NOTCH2NLC: variants seen among roughly 807,000 people sequenced by gnomAD.
The protein encoded by NOTCH2NLC is notch 2 N-terminal like C, also known as notch homolog 2 N-terminal-like protein C.
In NOTCH2NLC, 4 loss-of-function variants were observed where a neutral mutation model predicts 17.7. That is an observed-to-expected ratio of 0.23 (90% CI 0.11 to 0.52). The LOEUF (loss-of-function observed/expected upper bound fraction) is 0.52. Among genes scored for constraint, NOTCH2NLC ranks in the 20% least tolerant of loss-of-function variants. The pLI is 0.96. For synonymous variants in NOTCH2NLC, 18 were observed against 86.0 expected (o/e 0.21, Z 4.38); for missense variants, 57 against 207.2 (o/e 0.28, Z 4.45).
Position 149,468,958 on chromosome 1 carries a change from CTTTTTTTTTTTTT to C in NOTCH2NLC, c.*4817_*4829del, listed in dbSNP as rs1175539238. ...GGCATGTGTCATTTTCTTTTCTTTT[CTTTTTTTTTTTTT>C]TTTTTTTTTTTGAGACGGAGCATCG... On this transcript the variant is annotated 3_prime_UTR_variant, in exon 5 of 5. Transcript: ENST00000650865. Among the ~76,000 whole-genome samples the C allele has an allele frequency of 7.5e-5, 4 of 53,430 alleles. No individual in the cohort carries two copies. Among genetic ancestry groups the C allele is most frequent in the African/African-American group, 2.8e-4 (3 of 10,740 alleles). The allele number at this position is 53,430 out of a possible 152,430, so 35.1% of individuals were successfully genotyped here. A position where few individuals can be genotyped will look rare whatever the true frequency, so the allele number is the denominator to read the frequency against.
At chr1:149,441,918 G>A (rs1392211642) in intron 2 of NOTCH2NLC, among the ~76,000 whole-genome samples, 1 of 86,132 alleles carries the variant, frequency 1.2e-5, no homozygotes, top group African/African-American at 4.6e-5. Flanking sequence ...GTTTATGCTT[G>A]TAGAGAGGAT....
At chr1:149,453,508 CA>C (rs2084600335) in intron 2 of NOTCH2NLC, among the ~76,000 whole-genome samples, 1 of 144,902 alleles carries the variant, frequency 6.9e-6, no homozygotes, top group African/African-American at 2.5e-5. Flanking sequence ...AGCCCACTTG[CA>C]AAACTTTTTA....
chr1:149,414,393 G>C (rs2084318303), intron 1 of NOTCH2NLC, among the ~76,000 whole-genome samples: 1 of 148,852 alleles, frequency 6.7e-6, no homozygotes, highest in South Asian at 2.1e-4. Flanking sequence ...AAATAGAGAT[G>C]CCAGGAAGAT....
chr1:149,420,072 G>A (rs1422403592), intron 1 of NOTCH2NLC, among the ~76,000 whole-genome samples: 19 of 148,964 alleles, frequency 1.3e-4, no homozygotes, highest in African/African-American at 3.0e-4. Context: ...GGGTTTCACC[G>A]TGTTAGCCAG....
intron 3 of NOTCH2NLC, among the ~76,000 whole-genome samples, chr1:149,461,682 C>T (rs1401168808): frequency 1.5e-4 from 23 of 151,298 alleles, no homozygotes; most frequent in Non-Finnish European, 2.7e-4. Context: ...CACATGCACA[C>T]GTATGTTTCT....
chr1:149,407,321 AT>A (rs1182318199), intron 1 of NOTCH2NLC, among the ~76,000 whole-genome samples: 11 of 119,854 alleles, frequency 9.2e-5, no homozygotes, highest in African/African-American at 3.5e-4. Flanking sequence ...GGTTGAGGAG[AT>A]TATTGTACTT....
rs1294980317 is a variant in NOTCH2NLC, at chr1:149,439,909, AAC to A, written c.209+8896_209+8897del. The stretch of plus-strand genomic sequence containing the variant: ...TTCTGCTCGAAATGCTCTTCTCCTA[AAC>A]AGTCTTCTACTTGATCTTTATGAAA... On this transcript the variant is annotated intron_variant, in intron 2 of 4. Coordinates refer to ENST00000650865, the MANE Select transcript of NOTCH2NLC (RefSeq NM_001364013.2). Among the ~76,000 whole-genome samples the A allele has an allele frequency of 6.0e-4, 88 of 146,450 alleles. 2 individuals are homozygous for A. The highest frequency in any genetic ancestry group is 2.1e-3 in the African/African-American group (85 of 39,990).
chr1:149,447,704 T>TA (rs2084562601), intron 2 of NOTCH2NLC, among the ~76,000 whole-genome samples: 1 of 131,872 alleles, frequency 7.6e-6, no homozygotes, highest in South Asian at 2.8e-4. Flanking sequence ...AGCAGATTTT[T>TA]GAAAAAAGGG....
chr1:149,430,593 A>G (rs1212549935), intron 1 of NOTCH2NLC, among the ~76,000 whole-genome samples: 1 of 141,910 alleles, frequency 7.0e-6, no homozygotes, highest in South Asian at 2.3e-4. Flanking sequence ...ATGAATCCTT[A>G]TAATACTCAT....
intron 2 of NOTCH2NLC, among the ~76,000 whole-genome samples, chr1:149,433,926 C>T (rs1246426760): frequency 1.2e-4 from 18 of 147,994 alleles, no homozygotes; most frequent in African/African-American, 2.7e-4. Flanking sequence ...CCAGCCTGAG[C>T]GACAGAGTGA....
At chr1:149,462,323 A>G (rs1355531493) in intron 3 of NOTCH2NLC, among the ~76,000 whole-genome samples, 1 of 122,266 alleles carries the variant, frequency 8.2e-6, no homozygotes, top group Non-Finnish European at 1.7e-5. Flanking sequence ...TTAGTTTTCA[A>G]CCCGTCAGAG....
At chr1:149,415,862 T>C (rs1311934268) in intron 1 of NOTCH2NLC, among the ~76,000 whole-genome samples, 1 of 149,474 alleles carries the variant, frequency 6.7e-6, no homozygotes, top group Non-Finnish European at 1.5e-5. Context: ...ATTTCCTCCT[T>C]AGATTTCTAT....
At position 149,393,069 on chromosome 1, in the gene NOTCH2NLC, C is replaced by CAAAAAAAAAAAA. The variant is rs1158506660; in HGVS notation, c.135+2161_135+2172dup. Among the ~76,000 whole-genome samples the CAAAAAAAAAAAA allele has an allele frequency of 8.4e-4, 36 of 43,070 alleles. 2 individuals are homozygous for CAAAAAAAAAAAA. The highest frequency in any genetic ancestry group is 3.0e-3 in the African/African-American group (36 of 12,152). The allele number at this position is 43,070 out of a possible 152,430, so 28.3% of individuals were successfully genotyped here. On this transcript the variant is annotated intron_variant, in intron 1 of 4. Transcript: ENST00000650865. Reference sequence around the variant, plus strand: ...TGGGCGACAGAGCGAGACTCCGTCTCAAAAAAAAAAAAAAAAAAAAAAAAA... The same window carrying CAAAAAAAAAAAA: ...TGGGCGACAGAGCGAGACTCCGTCTCAAAAAAAAAAAAAAAAAAAAAAAAAAAAAAAAAAAAA...
In NOTCH2NLC at chr1:149,398,214, G is replaced by C. The variant is rs1322661220; in HGVS notation, c.135+7292G>C. Among the ~76,000 whole-genome samples the C allele has an allele frequency of 1.3e-5, 2 of 150,740 alleles. 1 individual carries two copies. The highest frequency in any genetic ancestry group is 3.0e-5 in the Non-Finnish European group (2 of 67,528). On this transcript the variant is annotated intron_variant, in intron 1 of 4. Coordinates refer to ENST00000650865, the MANE Select transcript of NOTCH2NLC (RefSeq NM_001364013.2). The stretch of plus-strand genomic sequence containing the variant: ...CTGTCTGCCATTTTCCTCTTTCTTT[G>C]TTGTAATTTAGAAGTATTAGAACTT...
intron 1 of NOTCH2NLC, among the ~76,000 whole-genome samples, chr1:149,412,236 C>T (rs1270243179): frequency 2.0e-5 from 3 of 149,214 alleles, no homozygotes; most frequent in South Asian, 2.1e-4. Flanking sequence ...ATCATGACCA[C>T]GAATGGGTCA....
intron 1 of NOTCH2NLC, among the ~76,000 whole-genome samples, chr1:149,392,846 C>A (rs1156323971): frequency 6.6e-6 from 1 of 150,582 alleles, no homozygotes; most frequent in Non-Finnish European, 1.5e-5. Flanking sequence ...CCGAGGCGGG[C>A]GGATCACGAG....
rs1280696604 is a variant in NOTCH2NLC, at chr1:149,390,913, C to G, written c.126C>G (p.Pro42=). ...GGCGCTCTGGCTGTGCTGCGCGACC[C>G]CCGCGCATGGTGAGTATCGGGCTGA... ...RCWRSGCAAR[P]PRMCRDGYEP... The change falls in exon 1 of 5, where the codon CCC becomes CCG. Residue 42 remains proline (P), a synonymous_variant. Transcript: ENST00000650865. The G allele has an allele frequency of 7.0e-7, 1 of 1,436,488 alleles. No individual in the cohort carries two copies. The highest frequency in any genetic ancestry group is 9.1e-7 in the Non-Finnish European group (1 of 1,101,162). The allele number at this position is 1,436,488 out of a possible 1,614,324, so 89.0% of individuals were successfully genotyped here.
intron 2 of NOTCH2NLC, among the ~76,000 whole-genome samples, chr1:149,436,800 G>C (rs1220821007): frequency 3.5e-5 from 5 of 141,720 alleles, no homozygotes; most frequent in Non-Finnish European, 7.8e-5. Flanking sequence ...AGTTTTTCTG[G>C]AAAATGATAG....
At position 149,464,896 on chromosome 1, in the gene NOTCH2NLC, G is replaced by A. The variant is rs2101516280; in HGVS notation, c.*743G>A. ...ATTGTGGATATGGTTCACATATAAT[G>A]GGATTGTGTGTTTTATTTTGGAGGA... On this transcript the variant is annotated 3_prime_UTR_variant, in exon 5 of 5. Coordinates refer to ENST00000650865, the MANE Select transcript of NOTCH2NLC (RefSeq NM_001364013.2). 1 of 149,096 alleles carries A rather than the reference G, an allele frequency of 6.7e-6. No homozygotes were observed. Among genetic ancestry groups the A allele is most frequent in the South Asian group, 2.1e-4 (1 of 4,680 alleles). The allele number at this position is 149,096 out of a possible 1,614,324, so 9.2% of individuals were successfully genotyped here.
Sources: gnomAD v4.1 joint callset for allele counts (sites outside exome capture counted in the v4.1 genomes callset) on GRCh38, gnomAD v4.1.1 for gene constraint, MANE v1.5 for transcripts, NCBI Gene and HGNC (gene_info 2026-07-23, HGNC 2026-07-21) for gene names.